Variants in LRRC7 observed in about 807,000 individuals in gnomAD.
LRRC7 encodes the protein leucine rich repeat containing 7.
LRRC7 carries 23 observed loss-of-function variants against 175.7 expected under a neutral mutation model. The ratio of observed to expected loss-of-function variants is 0.13; its 90% CI spans 0.09 to 0.19. The LOEUF is 0.19. Ranked by LOEUF, LRRC7 falls within the 10% of genes least tolerant of loss-of-function variation. LRRC7 has a pLI of 1.00. For synonymous variants in LRRC7, 685 were observed against 680.9 expected, an observed-to-expected ratio of 1.01 and a Z score of -0.09; for missense variants, 1,354 against 1,904.7, an observed-to-expected ratio of 0.71 and a Z score of 5.38.
intron 2 of LRRC7, among the ~76,000 whole-genome samples, chr1:69,746,458 T>A (rs561026825): frequency 1.2e-4 from 18 of 152,272 alleles, no homozygotes; most frequent in African/African-American, 4.1e-4. Flanking sequence ...TTTTAGAGTA[T>A]CTAATTTTGT....
At chr1:69,622,475 A>C (rs1569997120) in intron 1 of LRRC7, among the ~76,000 whole-genome samples, 1 of 152,320 alleles carries the variant, frequency 6.6e-6, no homozygotes, top group Non-Finnish European at 1.5e-5. Context: ...ACCATCTCTG[A>C]TATGGACTTC....
chr1:69,907,276 G>A (rs1646349551), intron 7 of LRRC7, among the ~76,000 whole-genome samples: 1 of 152,088 alleles, frequency 6.6e-6, no homozygotes, highest in African/African-American at 2.4e-5. Flanking sequence ...TAATTGCCCT[G>A]GCCAGAATTT....
At chr1:69,616,420 A>C in intron 1 of LRRC7, among the ~76,000 whole-genome samples, 1 of 152,106 alleles carries the variant, frequency 6.6e-6, no homozygotes, top group Non-Finnish European at 1.5e-5. Context: ...TTAGTAGAAT[A>C]AAAGTATTCT....
At chr1:69,783,134 T>G (rs1008631497) in intron 3 of LRRC7, among the ~76,000 whole-genome samples, 1 of 152,200 alleles carries the variant, frequency 6.6e-6, no homozygotes, top group African/African-American at 2.4e-5. Flanking sequence ...CTTTCTTTCA[T>G]GTACAGCCTC....
At chr1:69,763,426 A>C (rs1275027608) in intron 3 of LRRC7, among the ~76,000 whole-genome samples, 2 of 152,092 alleles carry the variant, frequency 1.3e-5, no homozygotes, top group African/African-American at 4.8e-5. Flanking sequence ...ATTTGTCTGC[A>C]GATCTCATTG....
At chr1:70,015,335 AGT>A (rs1404441478) in intron 13 of LRRC7, among the ~76,000 whole-genome samples, 1 of 152,046 alleles carries the variant, frequency 6.6e-6, no homozygotes, top group Non-Finnish European at 1.5e-5. Context: ...GATTTTAAGA[AGT>A]GTTTAACTGC....
At chr1:69,724,434 A>C (rs542685887) in intron 2 of LRRC7, among the ~76,000 whole-genome samples, 1 of 152,346 alleles carries the variant, frequency 6.6e-6, no homozygotes, top group Admixed American at 6.5e-5. Flanking sequence ...GAGATGGATT[A>C]GAATAGCAAG....
At chr1:69,707,596 T>C (rs1664207530) in intron 2 of LRRC7, among the ~76,000 whole-genome samples, 1 of 152,224 alleles carries the variant, frequency 6.6e-6, no homozygotes, top group South Asian at 2.1e-4. Flanking sequence ...GATAAAGATA[T>C]AATCTCTAAT....
At chr1:69,904,687 T>G (rs552973512) in intron 7 of LRRC7, among the ~76,000 whole-genome samples, 1 of 152,292 alleles carries the variant, frequency 6.6e-6, no homozygotes, top group African/African-American at 2.4e-5. Flanking sequence ...AAAATTTATT[T>G]TAGGTTCAGG....
chr1:69,757,171 A>G (rs72675046), intron 2 of LRRC7, among the ~76,000 whole-genome samples: 14,274 of 151,948 alleles, frequency 0.094, 736 homozygotes, highest in Middle Eastern at 0.2. Flanking sequence ...AATACTTCCT[A>G]ATTAATAGAG....
chr1:69,858,881 T>A (rs760413678), intron 7 of LRRC7, among the ~76,000 whole-genome samples: 1 of 152,116 alleles, frequency 6.6e-6, no homozygotes, highest in Non-Finnish European at 1.5e-5. Context: ...GAATCTTGTC[T>A]CTAGAGACAA....
At chr1:69,738,459 C>T (rs956330100) in intron 2 of LRRC7, among the ~76,000 whole-genome samples, 1 of 151,814 alleles carries the variant, frequency 6.6e-6, no homozygotes, top group Non-Finnish European at 1.5e-5. Flanking sequence ...TACTCCTTTC[C>T]TTGTTTTTCT....
chr1:69,912,880 T>G (rs901133388), intron 7 of LRRC7, among the ~76,000 whole-genome samples: 13 of 152,228 alleles, frequency 8.5e-5, no homozygotes, highest in African/African-American at 2.9e-4. Flanking sequence ...CTTTCTGTTT[T>G]TTTTAACAAA....
intron 7 of LRRC7, among the ~76,000 whole-genome samples, chr1:69,842,972 G>A (rs1006765781): frequency 1.7e-4 from 26 of 152,032 alleles, no homozygotes; most frequent in African/African-American, 6.3e-4. Context: ...ACCAAGGCAG[G>A]CCAATCACTT....
chr1:69,919,452 C>A, intron 7 of LRRC7: 3 of 978,996 alleles, frequency 3.1e-6, no homozygotes, highest in Admixed American at 2.0e-5. Flanking sequence ...CTAACCCCAG[C>A]CAGTGGGAGC....
chr1:70,034,944 A>G lies in LRRC7; in HGVS notation c.1996-1177A>G, dbSNP rs529694946. 7.7e-4 allele frequency among the ~76,000 whole-genome samples: 117 copies of G among 152,294 alleles called. 1 individual carries two copies. Among genetic ancestry groups the G allele is most frequent in the Admixed American group, 6.0e-3 (92 of 15,290 alleles). ...TAACCAAAGACCTGAGCATGTCACT[A>G]TGGGGGTCCTTGGCAATATATAAAA... is the stretch of plus-strand genomic sequence containing the variant. On this transcript the variant is annotated intron_variant, in intron 18 of 26. Coordinates refer to ENST00000651989, the MANE Select transcript of LRRC7 (RefSeq NM_001370785.2).
chr1:69,758,923 T>C (rs1670731294), intron 2 of LRRC7, among the ~76,000 whole-genome samples: 1 of 152,022 alleles, frequency 6.6e-6, no homozygotes, highest in Non-Finnish European at 1.5e-5. Flanking sequence ...CATTAGCAAG[T>C]TAAATGCAAG....
chr1:69,600,241 C>T (rs1647000202), intron 1 of LRRC7, among the ~76,000 whole-genome samples: 1 of 152,180 alleles, frequency 6.6e-6, no homozygotes, highest in Non-Finnish European at 1.5e-5. Context: ...ATATTATTAA[C>T]TAAAGTCCAT....
At chr1:69,569,906 CAAAAAAAA>C (rs71071364) in intron 1 of LRRC7, among the ~76,000 whole-genome samples, 3 of 87,104 alleles carry the variant, frequency 3.4e-5, no homozygotes, top group African/African-American at 4.7e-5. Context: ...AAAGGAATTA[CAAAAAAAA>C]AAAAAAAAAA....
Sources: gnomAD v4.1 joint callset for allele counts (sites outside exome capture counted in the v4.1 genomes callset) on GRCh38, gnomAD v4.1.1 for gene constraint, MANE v1.5 for transcripts, NCBI Gene and HGNC (gene_info 2026-07-23, HGNC 2026-07-21) for gene names.